Variants in PAICS observed in about 807,000 individuals in gnomAD.
PAICS encodes phosphoribosylaminoimidazole carboxylase and phosphoribosylaminoimidazolesuccinocarboxamide synthase.
PAICS carries 33 observed loss-of-function variants against 53.7 expected under a neutral mutation model. That is an observed-to-expected ratio of 0.61 (90% CI 0.47 to 0.82). The LOEUF (loss-of-function observed/expected upper bound fraction) is 0.82. Ranked by LOEUF, PAICS falls within the 40% of genes least tolerant of loss-of-function variation. The probability of loss-of-function intolerance (pLI) is 0.00; values close to 1 mark genes in which losing one functional copy is unlikely to be tolerated. For synonymous variants in PAICS, 141 were observed against 167.2 expected (o/e 0.84, Z 1.21); for missense variants, 394 against 494.1 (o/e 0.80, Z 1.92).
At chr4:56,436,250 C>A (rs1170879285), upstream of PAICS, 2 of 1,564,004 alleles carry the variant, frequency 1.3e-6, no homozygotes, top group Non-Finnish European at 1.7e-6. Flanking sequence ...TCTGACCACC[C>A]CTCTTTTCTA....
At position 56,463,694 on chromosome 4, in the gene PAICS, C is replaced by CAAAAAAAAAAAA. The variant is rs11359661; in HGVS notation, c.*4162_*4173dup. 1 of 106,772 alleles carries CAAAAAAAAAAAA rather than the reference C, an allele frequency of 9.4e-6. No individual in the cohort carries two copies. The allele number at this position is 106,772 out of a possible 1,614,324, so 6.6% of individuals were successfully genotyped here. The stretch of plus-strand genomic sequence containing the variant: ...GGCAACAAGAGCGAAAATCTGTCGC[C>CAAAAAAAAAAAA]AAAAAAAAAAAAAAAAAGATACTGT... On this transcript the variant is annotated 3_prime_UTR_variant, in exon 9 of 9. Transcript: ENST00000512576.
Position 56,448,487 on chromosome 4 carries a change from C to T in PAICS, c.463C>T (p.Leu155Phe). 1 of 1,612,650 alleles carries T rather than the reference C, an allele frequency of 6.2e-7. No individual in the cohort carries two copies. Among genetic ancestry groups the T allele is most frequent in the Non-Finnish European group, 8.5e-7 (1 of 1,178,960 alleles). Reference sequence around the variant, plus strand: ...TGCTGCAAAATTTTGCTTTGCTGGACTTCTTATAGGCCAGACTGAAGTGGA... The same window carrying T: ...TGCTGCAAAATTTTGCTTTGCTGGATTTCTTATAGGCCAGACTGAAGTGGA... ...LIAAKFCFAG[L>F]LIGQTEVDIM... Residue 155 changes from leucine to phenylalanine, a missense_variant, in exon 4 of 9, where the codon CTT (leucine) becomes TTT (phenylalanine). Transcript: ENST00000512576.
At chr4:56,429,203 T>C in the PAICS span, among the ~76,000 whole-genome samples, 1 of 152,150 alleles carries the variant, frequency 6.6e-6, no homozygotes, top group East Asian at 1.9e-4. Context: ...GAGCTAGAGT[T>C]TATATTTTAA....
the PAICS span, among the ~76,000 whole-genome samples, chr4:56,416,627 T>C: frequency 6.6e-6 from 1 of 152,204 alleles, no homozygotes; most frequent in East Asian, 1.9e-4. Flanking sequence ...AAATTTAAGT[T>C]TCCTAGAAAT....
chr4:56,451,279 C>T (rs745338671), intron 6 of PAICS: 1 of 152,720 alleles, frequency 6.5e-6, no homozygotes, highest in Admixed American at 6.5e-5. Flanking sequence ...GTAGGAGAAA[C>T]CTTATATTTC....
the PAICS span, chr4:56,410,653 G>A: frequency 1.0e-6 from 1 of 986,740 alleles, no homozygotes; most frequent in Non-Finnish European, 1.2e-6. Flanking sequence ...TTGCTAAAAG[G>A]CTGCAATCAT....
At chr4:56,429,014 C>A in the PAICS span, 18 of 950,344 alleles carry the variant, frequency 1.9e-5, no homozygotes, top group Non-Finnish European at 2.3e-5. Context: ...TGGTAAGAGC[C>A]AGAGAAATAA....
the PAICS span, chr4:56,420,623 G>T: frequency 2.6e-5 from 4 of 152,092 alleles, no homozygotes; most frequent in South Asian, 2.1e-4. Context: ...GTTTAAAATA[G>T]ATCAATTTTA....
At chr4:56,457,508 T>G (rs1031357612) in intron 8 of PAICS, among the ~76,000 whole-genome samples, 15 of 152,076 alleles carry the variant, frequency 9.9e-5, no homozygotes, top group South Asian at 2.1e-4. Flanking sequence ...GGACCTAGCT[T>G]CTTCTTAGAC....
chr4:56,412,345 G>A, the PAICS span, among the ~76,000 whole-genome samples: 11 of 145,616 alleles, frequency 7.6e-5, no homozygotes, highest in African/African-American at 2.8e-4. Flanking sequence ...TTTCACTCCT[G>A]TCACCCAAGC....
the PAICS span, among the ~76,000 whole-genome samples, chr4:56,426,803 C>T: frequency 3.9e-5 from 6 of 152,232 alleles, no homozygotes; most frequent in East Asian, 3.9e-4. Context: ...CCCATAAGTA[C>T]GTTCACGTTG....
At chr4:56,426,207 C>T in the PAICS span, among the ~76,000 whole-genome samples, 1 of 152,166 alleles carries the variant, frequency 6.6e-6, no homozygotes, top group Admixed American at 6.5e-5. Flanking sequence ...TCAAGACCAT[C>T]CTGGCCAACA....
chr4:56,448,653 T>C (rs1054045389), intron 4 of PAICS, 56 bp downstream of exon 4: 26 of 1,516,598 alleles, frequency 1.7e-5, no homozygotes, highest in Admixed American at 7.5e-5. Context: ...AAGGTTATAG[T>C]TGAGAGATGC....
At chr4:56,430,141 A>G in the PAICS span, among the ~76,000 whole-genome samples, 1 of 152,106 alleles carries the variant, frequency 6.6e-6, no homozygotes, top group Non-Finnish European at 1.5e-5. Context: ...ACTTTTTAAA[A>G]TCTATTTCAC....
chr4:56,435,865 C>G, upstream of PAICS: 8 of 1,486,148 alleles, frequency 5.4e-6, no homozygotes, highest in Non-Finnish European at 6.3e-6. Context: ...CCTCATTTCT[C>G]TTTCAGAGCA....
chr4:56,456,381 T>C (rs372461745), intron 8 of PAICS, among the ~76,000 whole-genome samples: 1 of 152,184 alleles, frequency 6.6e-6, no homozygotes, highest in African/African-American at 2.4e-5. Flanking sequence ...CGTCAGCCAC[T>C]GTGCCCGGCC....
At chr4:56,434,323 T>C (rs983179581), upstream of PAICS, among the ~76,000 whole-genome samples, 1 of 152,234 alleles carries the variant, frequency 6.6e-6, no homozygotes, top group African/African-American at 2.4e-5. Context: ...AATGCGTTTA[T>C]ACGTGTTGCA....
the PAICS span, among the ~76,000 whole-genome samples, chr4:56,427,371 G>C: frequency 6.6e-6 from 1 of 152,162 alleles, no homozygotes; most frequent in Non-Finnish European, 1.5e-5. Flanking sequence ...TTATATGTAG[G>C]AGTGGAATTG....
chr4:56,460,303 G>A lies in PAICS; in HGVS notation c.*765G>A, dbSNP rs1455303573. On this transcript the variant is annotated 3_prime_UTR_variant, in exon 9 of 9. Coordinates refer to ENST00000512576, the MANE Select transcript of PAICS (RefSeq NM_001079524.2). ...GCCTGTAGCTCTTGGTATACTCACT[G>A]TTGCAAGTCAGAAGCTTGATTTCAT... 6.6e-6 allele frequency: 1 copy of A among 152,166 alleles called. No individual in the cohort carries two copies. Among genetic ancestry groups the A allele is most frequent in the East Asian group, 1.9e-4 (1 of 5,184 alleles). 9.4% of individuals were successfully genotyped at this position (152,166 alleles called of 1,614,324 possible).
Sources: gnomAD v4.1 joint callset for allele counts (sites outside exome capture counted in the v4.1 genomes callset) on GRCh38, gnomAD v4.1.1 for gene constraint, MANE v1.5 for transcripts, NCBI Gene and HGNC (gene_info 2026-07-23, HGNC 2026-07-21) for gene names.